The following PEAK1 variants were observed in gnomAD, a reference collection of about 807,000 sequenced individuals.
PEAK1 encodes the protein pseudopodium enriched atypical kinase 1.
A neutral mutation model predicts 124.7 loss-of-function variants in PEAK1; 54 were observed. The ratio of observed to expected loss-of-function variants is 0.43; its 90% CI spans 0.35 to 0.54. PEAK1 has a LOEUF of 0.54. Ranked by LOEUF, PEAK1 falls within the 20% of genes least tolerant of loss-of-function variation. The probability of loss-of-function intolerance (pLI) is 0.01; values close to 1 mark genes in which losing one functional copy is unlikely to be tolerated. For missense variants in PEAK1, 2,046 were observed against 2,134.5 expected (o/e 0.96, Z 0.82); for synonymous variants, 719 against 760.0 (o/e 0.95, Z 0.89).
At chr15:77,185,550 T>A (rs186539371) in intron 6 of PEAK1, among the ~76,000 whole-genome samples, 1 of 152,182 alleles carries the variant, frequency 6.6e-6, no homozygotes, top group East Asian at 1.9e-4. Flanking sequence ...TACATGCCCA[T>A]TGGACTTGGC....
At chr15:77,412,046 G>A (rs1325632240) in intron 1 of PEAK1, among the ~76,000 whole-genome samples, 5 of 152,138 alleles carry the variant, frequency 3.3e-5, no homozygotes, top group South Asian at 4.1e-4. Flanking sequence ...CAAATAATAG[G>A]TATTAAGTGT....
intron 6 of PEAK1, among the ~76,000 whole-genome samples, chr15:77,223,506 C>G (rs1451223001): frequency 6.6e-6 from 1 of 152,006 alleles, no homozygotes; most frequent in Non-Finnish European, 1.5e-5. Flanking sequence ...GGATATTACC[C>G]CACAAAACAC....
intron 1 of PEAK1, among the ~76,000 whole-genome samples, chr15:77,411,953 G>A (rs976718085): frequency 6.6e-6 from 1 of 152,116 alleles, no homozygotes; most frequent in Non-Finnish European, 1.5e-5. Flanking sequence ...GCCTTCTACT[G>A]CTATTCTCTT....
chr15:77,280,919 G>C (rs1482314255), intron 5 of PEAK1, among the ~76,000 whole-genome samples: 1 of 152,152 alleles, frequency 6.6e-6, no homozygotes, highest in Non-Finnish European at 1.5e-5. Context: ...AGCACTTTGG[G>C]AGGCCGAGGT....
intron 2 of PEAK1, chr15:77,348,321 T>C (rs1200288370): frequency 3.4e-6 from 3 of 877,208 alleles, no homozygotes; most frequent in Non-Finnish European, 4.1e-6. Flanking sequence ...CACCTACTCT[T>C]ACAAGATTGA....
chr15:77,194,589 C>A (rs1203382554), intron 6 of PEAK1, among the ~76,000 whole-genome samples: 2 of 152,128 alleles, frequency 1.3e-5, no homozygotes, highest in Non-Finnish European at 2.9e-5. Context: ...CCCAGATTCC[C>A]ATCATATGGC....
intron 8 of PEAK1, among the ~76,000 whole-genome samples, chr15:77,139,782 TAAAC>T (rs551426398): frequency 6.6e-6 from 1 of 151,936 alleles, no homozygotes; most frequent in African/African-American, 2.4e-5. Context: ...ATATTAAATA[TAAAC>T]AAACAACAAC....
Position 77,260,340 on chromosome 15 carries a change from A to G in PEAK1, c.-274-7814T>C, listed in dbSNP as rs76988544. Among the ~76,000 whole-genome samples the G allele has an allele frequency of 8.0e-3, 1,213 of 152,306 alleles. 20 individuals carry two copies. Among genetic ancestry groups the G allele is most frequent in the African/African-American group, 0.027 (1,127 of 41,584 alleles). On this transcript the variant is annotated intron_variant, in intron 5 of 9. Transcript: ENST00000682557. ...CAAGATTAAGGACTCAAATATTTAA[A>G]TTCATAAATATTTATCATTTAATAA...
At chr15:77,124,112 G>T (rs960407755) in intron 9 of PEAK1, among the ~76,000 whole-genome samples, 4 of 152,230 alleles carry the variant, frequency 2.6e-5, no homozygotes, top group African/African-American at 9.7e-5. Context: ...AGGCTTACAA[G>T]ACATTAAATT....
chr15:77,172,911 C>T (rs1242742736), intron 7 of PEAK1, among the ~76,000 whole-genome samples: 2 of 152,066 alleles, frequency 1.3e-5, no homozygotes, highest in African/African-American at 4.8e-5. Flanking sequence ...CACCACCATG[C>T]CCAGCTAATT....
At chr15:77,143,802 T>C (rs1202616592) in intron 8 of PEAK1, among the ~76,000 whole-genome samples, 4 of 152,244 alleles carry the variant, frequency 2.6e-5, no homozygotes, top group African/African-American at 9.6e-5. Context: ...TGTTCCATTC[T>C]GAATTCCCTA....
chr15:77,228,047 T>C (rs2059754004), intron 6 of PEAK1, among the ~76,000 whole-genome samples: 1 of 152,052 alleles, frequency 6.6e-6, no homozygotes, highest in Non-Finnish European at 1.5e-5. Flanking sequence ...TTTTATCTAT[T>C]CATAAATATT....
intron 5 of PEAK1, among the ~76,000 whole-genome samples, chr15:77,266,247 TATA>T (rs2061723793): frequency 6.6e-6 from 1 of 151,654 alleles, no homozygotes; most frequent in South Asian, 2.1e-4. Context: ...AAAGTTAAAG[TATA>T]ATAATAAAAA....
At chr15:77,238,726 T>C (rs967679839) in intron 6 of PEAK1, among the ~76,000 whole-genome samples, 6 of 152,176 alleles carry the variant, frequency 3.9e-5, no homozygotes, top group African/African-American at 1.2e-4. Context: ...TCTAGGGGTT[T>C]CCTATCTGTT....
chr15:77,216,710 A>G (rs2059163130), intron 6 of PEAK1, among the ~76,000 whole-genome samples: 1 of 152,232 alleles, frequency 6.6e-6, no homozygotes, highest in Non-Finnish European at 1.5e-5. Context: ...AGCAGAAACA[A>G]TAGCCAATAC....
intron 2 of PEAK1, among the ~76,000 whole-genome samples, chr15:77,292,084 A>C (rs2063247943): frequency 6.6e-6 from 1 of 152,174 alleles, no homozygotes; most frequent in Admixed American, 6.5e-5. Context: ...GTAAAAGAGT[A>C]GCAGATTTTC....
At chr15:77,372,848 G>C (rs943145623) in intron 1 of PEAK1, among the ~76,000 whole-genome samples, 1 of 150,254 alleles carries the variant, frequency 6.7e-6, no homozygotes, top group African/African-American at 2.4e-5. Flanking sequence ...TTGTTTAAAA[G>C]TGTGTAGCAC....
At chr15:77,333,894 C>A (rs981481459) in intron 2 of PEAK1, 5 of 439,136 alleles carry the variant, frequency 1.1e-5, no homozygotes, top group African/African-American at 1.1e-4. Context: ...TATTCTACAA[C>A]AATTTCAGAC....
At chr15:77,314,779 T>C (rs536656766) in intron 2 of PEAK1, among the ~76,000 whole-genome samples, 84 of 152,158 alleles carry the variant, frequency 5.5e-4, no homozygotes, top group Non-Finnish European at 1.1e-3. Context: ...ATTAATAGAA[T>C]GATAAATGTA....
Sources: allele counts gnomAD v4.1 joint callset (sites outside exome capture counted in the v4.1 genomes callset), GRCh38; gene constraint gnomAD v4.1.1; transcripts MANE v1.5; gene names NCBI Gene and HGNC (gene_info 2026-07-23, HGNC 2026-07-21).